The following CLNK variants were observed in gnomAD, a reference collection of about 807,000 sequenced individuals.
The protein encoded by CLNK is cytokine-dependent hematopoietic cell linker.
CLNK carries 74 observed loss-of-function variants against 68.6 expected under a neutral mutation model. The ratio of observed to expected loss-of-function variants is 1.08; its 90% CI spans 0.89 to 1.31. The LOEUF (loss-of-function observed/expected upper bound fraction) is 1.31. Among genes scored for constraint, CLNK ranks in the 50% most tolerant of loss-of-function variants. The pLI is 0.00. For missense variants in CLNK, 553 were observed against 515.3 expected, an observed-to-expected ratio of 1.07 and a Z score of -0.71; for synonymous variants, 198 against 172.2, an observed-to-expected ratio of 1.15 and a Z score of -1.17.
At chr4:10,642,634 G>A (rs1723353820) in intron 2 of CLNK, among the ~76,000 whole-genome samples, 1 of 152,096 alleles carries the variant, frequency 6.6e-6, no homozygotes, top group South Asian at 2.1e-4. Flanking sequence ...TGAAAACTTT[G>A]CCCTGCAGTT....
At chr4:10,602,723 T>A (rs888194512) in intron 2 of CLNK, among the ~76,000 whole-genome samples, 8 of 152,174 alleles carry the variant, frequency 5.3e-5, no homozygotes, top group Non-Finnish European at 1.0e-4. Flanking sequence ...GCACTAAACA[T>A]CTCTTCTGTC....
At chr4:10,656,161 C>G (rs1385681453) in intron 2 of CLNK, among the ~76,000 whole-genome samples, 1 of 151,692 alleles carries the variant, frequency 6.6e-6, no homozygotes, top group Non-Finnish European at 1.5e-5. Flanking sequence ...AAACAATACA[C>G]AAAATGAATG....
At chr4:10,582,451 A>G (rs1173079026) in intron 4 of CLNK, among the ~76,000 whole-genome samples, 5 of 152,178 alleles carry the variant, frequency 3.3e-5, no homozygotes, top group East Asian at 1.9e-4. Context: ...GCTAATATCT[A>G]TCTTCATCAA....
the CLNK span, among the ~76,000 whole-genome samples, chr4:10,721,514 T>G: frequency 6.6e-6 from 1 of 151,140 alleles, no homozygotes; most frequent in African/African-American, 2.4e-5. Flanking sequence ...AGAGAACATA[T>G]GGTATGTGTA....
chr4:10,566,297 G>A, intron 5 of CLNK, 147 bp from the exon 6 acceptor site: 1 of 771,356 alleles, frequency 1.3e-6, no homozygotes, highest in Admixed American at 2.4e-5. Flanking sequence ...TTAAATAGAA[G>A]TTTAATTCTT....
intron 2 of CLNK, among the ~76,000 whole-genome samples, chr4:10,614,235 A>G (rs1402713707): frequency 1.3e-5 from 2 of 152,222 alleles, no homozygotes; most frequent in Non-Finnish European, 2.9e-5. Flanking sequence ...GATGTTAGAC[A>G]TCTTGTGTGT....
the CLNK span, among the ~76,000 whole-genome samples, chr4:10,705,804 C>T: frequency 7.9e-5 from 12 of 152,290 alleles, 1 homozygote; most frequent in African/African-American, 2.9e-4. Context: ...AGGATATAAA[C>T]ATCTTTGGGG....
At chr4:10,520,350 G>A (rs933298045) in intron 15 of CLNK, among the ~76,000 whole-genome samples, 6 of 152,136 alleles carry the variant, frequency 3.9e-5, no homozygotes, top group African/African-American at 1.4e-4. Context: ...TGCACCCAAT[G>A]GATTGGGAAA....
At chr4:10,522,572 C>CAAAAA (rs58663693) in intron 14 of CLNK, among the ~76,000 whole-genome samples, 12 of 115,948 alleles carry the variant, frequency 1.0e-4, no homozygotes, top group East Asian at 2.5e-4. Context: ...GAAACTCTCT[C>CAAAAA]AAAAAAAAAA....
chr4:10,533,377 C>T (rs1718628630), intron 11 of CLNK, among the ~76,000 whole-genome samples: 2 of 152,186 alleles, frequency 1.3e-5, no homozygotes, highest in African/African-American at 4.8e-5. Context: ...GTATATGTTC[C>T]ACTTCCCCAG....
intron 15 of CLNK, among the ~76,000 whole-genome samples, chr4:10,516,173 T>TA (rs1200785159): frequency 6.6e-6 from 1 of 152,148 alleles, no homozygotes; most frequent in Non-Finnish European, 1.5e-5. Context: ...GTAACTATTT[T>TA]AAAAACATAA....
intron 2 of CLNK, among the ~76,000 whole-genome samples, chr4:10,613,336 G>A (rs1177239954): frequency 1.3e-5 from 2 of 152,168 alleles, no homozygotes; most frequent in Non-Finnish European, 1.5e-5. Context: ...AAGGCACTGG[G>A]CACATCAGCT....
At chr4:10,701,268 T>G in the CLNK span, among the ~76,000 whole-genome samples, 13 of 152,348 alleles carry the variant, frequency 8.5e-5, no homozygotes, top group African/African-American at 2.9e-4. Flanking sequence ...GAATGTAAAA[T>G]GAAATCTCCC....
chr4:10,502,117 C>T (rs1227545996), intron 17 of CLNK, among the ~76,000 whole-genome samples: 2 of 152,144 alleles, frequency 1.3e-5, no homozygotes, highest in African/African-American at 4.8e-5. Flanking sequence ...TTTGGGGCTC[C>T]CAGATTTTGC....
chr4:10,539,847 C>A (rs79960123), intron 11 of CLNK, among the ~76,000 whole-genome samples: 1 of 152,124 alleles, frequency 6.6e-6, no homozygotes, highest in African/African-American at 2.4e-5. Context: ...ATCTGAATCC[C>A]CTTTCAGTTC....
At chr4:10,510,146 A>G (rs1717510489) in intron 16 of CLNK, among the ~76,000 whole-genome samples, 1 of 152,126 alleles carries the variant, frequency 6.6e-6, no homozygotes, top group South Asian at 2.1e-4. Flanking sequence ...TCCAGGTGTG[A>G]TCATGAGGGA....
chr4:10,575,843 A>G (rs914528442), intron 4 of CLNK, among the ~76,000 whole-genome samples: 1 of 152,130 alleles, frequency 6.6e-6, no homozygotes, highest in East Asian at 1.9e-4. Context: ...GAAGAAATAA[A>G]CCTTTATTAT....
intron 4 of CLNK, among the ~76,000 whole-genome samples, chr4:10,581,704 C>T (rs1720790931): frequency 6.6e-6 from 1 of 151,562 alleles, no homozygotes; most frequent in South Asian, 2.1e-4. Flanking sequence ...ATGGAGCTAC[C>T]ACAAATTGGT....
At chr4:10,503,584 A>G (rs1270280601) in intron 17 of CLNK, among the ~76,000 whole-genome samples, 3 of 148,464 alleles carry the variant, frequency 2.0e-5, no homozygotes, top group African/African-American at 7.3e-5. Flanking sequence ...ATATACTTCA[A>G]TAATGAATAT....
Sources: gnomAD v4.1 joint callset for allele counts (sites outside exome capture counted in the v4.1 genomes callset) on GRCh38, gnomAD v4.1.1 for gene constraint, MANE v1.5 for transcripts, NCBI Gene and HGNC (gene_info 2026-07-23, HGNC 2026-07-21) for gene names.